Variants in MYO18B observed in about 807,000 individuals in gnomAD.
The protein encoded by MYO18B is unconventional myosin-XVIIIb.
Under a neutral mutation model 273.0 loss-of-function variants are expected in MYO18B, and 204 were observed. The observed-to-expected ratio is 0.75, with a 90% CI of 0.67 to 0.84. The LOEUF is 0.84. Ranked by LOEUF, MYO18B falls within the 40% of genes least tolerant of loss-of-function variation. The pLI is 0.00. For missense variants in MYO18B, 3,212 were observed against 3,287.6 expected (o/e 0.98, Z 0.56); for synonymous variants, 1,330 against 1,305.7 (o/e 1.02, Z -0.40).
At chr22:25,992,294 C>T in intron 39 of MYO18B, 69 bp from the exon 40 acceptor site, 2 of 1,587,098 alleles carry the variant, frequency 1.3e-6, no homozygotes, top group South Asian at 1.1e-5. Context: ...CGTGTCTCTT[C>T]CCCAGTGCAT....
the MYO18B span, among the ~76,000 whole-genome samples, chr22:26,053,564 T>C: frequency 6.6e-6 from 1 of 152,222 alleles, no homozygotes; most frequent in Non-Finnish European, 1.5e-5. Flanking sequence ...CTCAAATATA[T>C]GTTTGAGCCC....
intron 17 of MYO18B, among the ~76,000 whole-genome samples, chr22:25,842,755 G>A (rs2090122692): frequency 6.6e-6 from 1 of 151,624 alleles, no homozygotes; most frequent in African/African-American, 2.4e-5. Flanking sequence ...CAACCTGTGA[G>A]CATCACAATA....
intron 42 of MYO18B, among the ~76,000 whole-genome samples, chr22:26,011,994 T>C (rs1257738785): frequency 6.6e-6 from 1 of 152,226 alleles, no homozygotes. Context: ...CCCAAACTCT[T>C]GGCTTGCAGT....
At chr22:26,062,618 T>G in the MYO18B span, among the ~76,000 whole-genome samples, 2 of 152,218 alleles carry the variant, frequency 1.3e-5, no homozygotes, top group African/African-American at 4.8e-5. Flanking sequence ...TTTACTATTA[T>G]TAATAATTTT....
chr22:25,874,746 G>A (rs1302847398), intron 23 of MYO18B, among the ~76,000 whole-genome samples: 4 of 152,186 alleles, frequency 2.6e-5, no homozygotes, highest in Non-Finnish European at 5.9e-5. Flanking sequence ...AGGTTTTGGG[G>A]ACCAAAGGCC....
intron 40 of MYO18B, among the ~76,000 whole-genome samples, chr22:25,994,157 C>G (rs1187829375): frequency 6.6e-6 from 1 of 152,156 alleles, no homozygotes; most frequent in East Asian, 1.9e-4. Context: ...AGATGGAGAG[C>G]CACTGGACTC....
intron 12 of MYO18B, among the ~76,000 whole-genome samples, chr22:25,817,332 T>TC (rs1342597255): frequency 3.3e-5 from 5 of 151,652 alleles, no homozygotes; most frequent in Non-Finnish European, 7.4e-5. Flanking sequence ...TTTCTTTTCT[T>TC]TTTCTTTTCT....
At chr22:25,822,691 G>A (rs371853329) in intron 12 of MYO18B, among the ~76,000 whole-genome samples, 2 of 152,214 alleles carry the variant, frequency 1.3e-5, no homozygotes, top group Admixed American at 6.5e-5. Flanking sequence ...TTATTTGGCC[G>A]GGAGTGCCGG....
intron 12 of MYO18B, among the ~76,000 whole-genome samples, chr22:25,800,483 G>A (rs528547297): frequency 6.6e-6 from 1 of 152,324 alleles, no homozygotes; most frequent in East Asian, 1.9e-4. Flanking sequence ...GGAACATGTT[G>A]CATATTTGGG....
chr22:26,001,182 C>T (rs903494507), intron 40 of MYO18B, among the ~76,000 whole-genome samples: 18 of 152,082 alleles, frequency 1.2e-4, no homozygotes, highest in African/African-American at 4.3e-4. Flanking sequence ...CTCATATAAA[C>T]TATTGGCCTA....
intron 18 of MYO18B, among the ~76,000 whole-genome samples, chr22:25,845,616 T>G (rs1254760962): frequency 1.3e-5 from 2 of 152,228 alleles, no homozygotes; most frequent in African/African-American, 4.8e-5. Flanking sequence ...AGGCACTGTC[T>G]GCTCAGGTAT....
Position 26,027,460 on chromosome 22 carries a change from C to G in MYO18B, c.7486C>G (p.Pro2496Ala). 1 of 1,613,892 alleles carries G rather than the reference C, an allele frequency of 6.2e-7. No homozygotes were observed. The highest frequency in any genetic ancestry group is 8.5e-7 in the Non-Finnish European group (1 of 1,179,870). Residue 2496 changes from proline to alanine, a missense_variant, in exon 43 of 44, where the codon CCG becomes GCG. Physicochemically the swap from Pro to Ala is conservative, Grantham distance 27. Coordinates refer to ENST00000335473, the MANE Select transcript of MYO18B (RefSeq NM_032608.7). The surrounding 1 kb of genome is among the most constrained non-coding windows in gnomAD (Gnocchi z 4.1). ...SGIKTILKKS[P>A]EPKEDPAHLS... is the part of the protein sequence containing the mutation. ...GATCAAGACCATTTTGAAGAAGAGC[C>G]CGGAGCCCAAGGAGGATCCCGCTCA... is the stretch of plus-strand genomic sequence containing the variant.
rs192870773 is a variant in MYO18B, at chr22:25,951,367, T to A, written c.5832+917T>A. 9.8e-5 allele frequency among the ~76,000 whole-genome samples: 15 copies of A among 152,324 alleles called. No homozygotes were observed. In the East Asian group the frequency reaches 2.7e-3, roughly 27 times the overall value. The stretch of plus-strand genomic sequence containing the variant: ...ATTCAAATACTCACTCAATTCCAGT[T>A]GTGTGCGAGGTGAATTGAGACCAGT... On this transcript the variant is annotated intron_variant, in intron 37 of 43. Coordinates refer to ENST00000335473, the MANE Select transcript of MYO18B (RefSeq NM_032608.7).
chr22:25,979,007 G>A (rs780367362), intron 39 of MYO18B, among the ~76,000 whole-genome samples: 1 of 152,126 alleles, frequency 6.6e-6, no homozygotes, highest in Non-Finnish European at 1.5e-5. Context: ...TTTATAAAAA[G>A]ATAACAGAGA....
rs182723137 is a variant in MYO18B at position 26,026,875 on chromosome 22, C to T, written c.6901C>T (p.Leu2301Phe). 10 of 1,598,434 alleles carry T rather than the reference C, an allele frequency of 6.3e-6. 1 individual carries two copies. The African/African-American group carries it at 1.1e-4, about 17-fold the overall frequency. ...CAGGGCTGGCAGTGACGAGGGAAAC[C>T]TCTCGCTGAGGGTTGGGGCAAAGTC... is the stretch of plus-strand genomic sequence containing the variant. Reference protein sequence around the residue: ...RGRAGSDEGNLSLRVGAKSPL... With the variant: ...RGRAGSDEGNFSLRVGAKSPL... The change falls in exon 43 of 44, where the codon CTC (leucine) becomes TTC (phenylalanine). Residue 2301 changes from leucine (L) to phenylalanine (F), a missense_variant. Physicochemically the swap from Leu to Phe is conservative, Grantham distance 22. Transcript: ENST00000335473.
rs557655805 is a variant in MYO18B at position 25,835,153 on chromosome 22, G to A, written c.3061-143G>A. ...CAACACTGAGAGTCTGGGGTGATTG[G>A]GAGCATGGTTTTGGGTAGGCACGTT... On this transcript the variant is annotated intron_variant, in intron 16 of 43. Transcript: ENST00000335473. 3.8e-5 allele frequency: 36 copies of A among 948,274 alleles called. No individual in the cohort carries two copies. In the East Asian group the frequency reaches 5.6e-4, roughly 15 times the overall value. The allele number at this position is 948,274 out of a possible 1,614,324, so 58.7% of individuals were successfully genotyped here.
At chr22:25,854,282 A>G (rs2090506237) in intron 21 of MYO18B, among the ~76,000 whole-genome samples, 1 of 152,206 alleles carries the variant, frequency 6.6e-6, no homozygotes, top group African/African-American at 2.4e-5. Flanking sequence ...GTCTTTTATC[A>G]CAGATGCATA....
At chr22:25,775,330 C>G (rs2086875684) in intron 7 of MYO18B, among the ~76,000 whole-genome samples, 1 of 152,194 alleles carries the variant, frequency 6.6e-6, no homozygotes, top group South Asian at 2.1e-4. Flanking sequence ...GGATTGGAGA[C>G]AGCCCCAGCC....
chr22:26,036,315 C>T, the MYO18B span, among the ~76,000 whole-genome samples: 1 of 152,186 alleles, frequency 6.6e-6, no homozygotes, highest in Non-Finnish European at 1.5e-5. Flanking sequence ...GACAAGGTGA[C>T]ACAGTGACCC....
Sources: gnomAD v4.1 joint callset for allele counts (sites outside exome capture counted in the v4.1 genomes callset) on GRCh38, gnomAD v4.1.1 for gene constraint, Gnocchi (gnomAD v3.1) non-coding constraint, MANE v1.5 for transcripts, NCBI Gene and HGNC (gene_info 2026-07-23, HGNC 2026-07-21) for gene names.